The following SLC35F1 variants were observed in gnomAD, a reference collection of about 807,000 sequenced individuals.
The protein encoded by SLC35F1 is solute carrier family 35 member F1, also known as chromosome 6 open reading frame 169.
In SLC35F1, 14 loss-of-function variants were observed where a neutral mutation model predicts 48.7. That is an observed-to-expected ratio of 0.29 (90% confidence interval 0.19 to 0.45). SLC35F1 has a LOEUF of 0.45. SLC35F1 is among the 20% of genes least tolerant of loss of function. The probability of loss-of-function intolerance (pLI) is 1.00; values close to 1 mark genes in which losing one functional copy is unlikely to be tolerated. For synonymous variants in SLC35F1, 190 were observed against 202.2 expected, an observed-to-expected ratio of 0.94 and a Z score of 0.51; for missense variants, 404 against 500.0, an observed-to-expected ratio of 0.81 and a Z score of 1.83.
chr6:118,006,751 A>T (rs368130705), intron 1 of SLC35F1, among the ~76,000 whole-genome samples: 25 of 152,268 alleles, frequency 1.6e-4, no homozygotes, highest in African/African-American at 5.5e-4. Flanking sequence ...CCAAGTATGT[A>T]AAGTACACAC....
Position 118,240,312 on chromosome 6 carries a change from G to A in SLC35F1, c.477+4676G>A, listed in dbSNP as rs980282666. 3.9e-5 allele frequency among the ~76,000 whole-genome samples: 6 copies of A among 152,184 alleles called. No individual in the cohort carries two copies. In the South Asian group the frequency reaches 1.2e-3, roughly 32 times the overall value. On this transcript the variant is annotated intron_variant, in intron 3 of 7. Coordinates refer to ENST00000360388, the MANE Select transcript of SLC35F1 (RefSeq NM_001029858.4). ...AAGTCAAGAAAGTGTCCATTCAGAT[G>A]GGTCTATGAGGTTGGATAAAAAGTG...
intron 7 of SLC35F1, among the ~76,000 whole-genome samples, chr6:118,293,346 G>A (rs1004726072): frequency 6.6e-6 from 1 of 152,084 alleles, no homozygotes; most frequent in African/African-American, 2.4e-5. Context: ...AGCTTCTAGA[G>A]GCCACCTGTA....
At chr6:118,144,311 A>T (rs1773937761) in intron 1 of SLC35F1, among the ~76,000 whole-genome samples, 1 of 152,188 alleles carries the variant, frequency 6.6e-6, no homozygotes, top group Non-Finnish European at 1.5e-5. Flanking sequence ...GCTAGAAGCC[A>T]TTATCCTAAG....
rs913525719 is a variant in SLC35F1 at position 118,138,026 on chromosome 6, G to A, written c.174-16419G>A. Among the ~76,000 whole-genome samples, 116 of 152,066 alleles carry A rather than the reference G, an allele frequency of 7.6e-4. 1 individual carries two copies. Among genetic ancestry groups the A allele is most frequent in the Admixed American group, 6.0e-3 (92 of 15,278 alleles). ...GCCAGGATATTCCAACCTTAGGGGA[G>A]GGTCAGGCTCAGTGGCTCACACGTG... On this transcript the variant is annotated intron_variant, in intron 1 of 7. Transcript: ENST00000360388.
At chr6:118,271,568 C>A (rs959633845) in intron 4 of SLC35F1, among the ~76,000 whole-genome samples, 1 of 152,132 alleles carries the variant, frequency 6.6e-6, no homozygotes, top group African/African-American at 2.4e-5. Flanking sequence ...GATAGTCTTT[C>A]AACACTCTAG....
At chr6:118,188,527 G>A (rs1460732137) in intron 2 of SLC35F1, among the ~76,000 whole-genome samples, 3 of 150,502 alleles carry the variant, frequency 2.0e-5, no homozygotes, top group African/African-American at 7.3e-5. Context: ...TCCAGCCTGG[G>A]CAACAAGAGC....
rs1554216680 is a variant in SLC35F1, at chr6:117,923,651, G to GTATATATACATATGTACATATA, written c.173+15754_173+15755insTATATACATATGTACATATATA. The stretch of plus-strand genomic sequence containing the variant: ...TACATATATGTACATATGTACATAT[G>GTATATATACATATGTACATATA]TACATATGTATATATACATATATGT... On this transcript the variant is annotated intron_variant, in intron 1 of 7. Transcript: ENST00000360388. Among the ~76,000 whole-genome samples the GTATATATACATATGTACATATA allele has an allele frequency of 1.9e-3, 33 of 17,504 alleles. 7 individuals are homozygous for GTATATATACATATGTACATATA. The highest frequency in any genetic ancestry group is 0.01 in the African/African-American group (23 of 2,202). 11.5% of individuals were successfully genotyped at this position (17,504 alleles called of 152,430 possible). A position where few individuals can be genotyped will look rare whatever the true frequency, so the allele number is the denominator to read the frequency against.
At chr6:118,147,723 C>T (rs1773996275) in intron 1 of SLC35F1, among the ~76,000 whole-genome samples, 1 of 152,052 alleles carries the variant, frequency 6.6e-6, no homozygotes, top group African/African-American at 2.4e-5. Flanking sequence ...TGTGACCGCT[C>T]CTCTCACACC....
At chr6:118,076,901 C>T (rs952514024) in intron 1 of SLC35F1, among the ~76,000 whole-genome samples, 2 of 151,928 alleles carry the variant, frequency 1.3e-5, no homozygotes, top group African/African-American at 4.8e-5. Flanking sequence ...TTATATAGGG[C>T]CAGTTTTTTT....
intron 1 of SLC35F1, among the ~76,000 whole-genome samples, chr6:118,102,962 G>T (rs1251971246): frequency 6.6e-6 from 1 of 151,138 alleles, no homozygotes; most frequent in Non-Finnish European, 1.5e-5. Flanking sequence ...TCTGGAGTAA[G>T]TATTGCATAT....
intron 1 of SLC35F1, among the ~76,000 whole-genome samples, chr6:117,978,934 C>T (rs1776739995): frequency 6.6e-6 from 1 of 152,142 alleles, no homozygotes; most frequent in Non-Finnish European, 1.5e-5. Context: ...TTTCATGGCT[C>T]TTGTTACTTT....
At position 117,923,611 on chromosome 6, in the gene SLC35F1, A is replaced by ATATG. The variant is rs1250172345; in HGVS notation, c.173+15714_173+15715insTGTA. Among the ~76,000 whole-genome samples the ATATG allele has an allele frequency of 9.6e-3, 190 of 19,864 alleles. 31 individuals carry two copies. The highest frequency in any genetic ancestry group is 0.023 in the African/African-American group (64 of 2,808). 13.0% of individuals were successfully genotyped at this position (19,864 alleles called of 152,430 possible). A position where few individuals can be genotyped will look rare whatever the true frequency, so the allele number is the denominator to read the frequency against. The stretch of plus-strand genomic sequence containing the variant: ...TATATACATATGTGTATATATACAT[A>ATATG]TACATATGTATATATACATATATGT... On this transcript the variant is annotated intron_variant, in intron 1 of 7. Transcript: ENST00000360388.
intron 1 of SLC35F1, among the ~76,000 whole-genome samples, chr6:118,121,463 G>A (rs964005437): frequency 2.0e-5 from 3 of 152,074 alleles, no homozygotes; most frequent in Non-Finnish European, 4.4e-5. Context: ...TCAGAGTCAC[G>A]CCCCTAGTAA....
intron 1 of SLC35F1, among the ~76,000 whole-genome samples, chr6:118,080,204 T>C (rs1415905213): frequency 6.6e-6 from 1 of 152,208 alleles, no homozygotes; most frequent in African/African-American, 2.4e-5. Context: ...TATATCAAAG[T>C]AATATGTCAA....
In SLC35F1 at chr6:118,066,417, G is replaced by A. The variant is rs1046690944; in HGVS notation, c.174-88028G>A. ...TGCTCCAAGCTATGGTCAGTAAGAA[G>A]CGTCAGTCTTCAGTTGTACACCACA... On this transcript the variant is annotated intron_variant, in intron 1 of 7. Coordinates refer to ENST00000360388, the MANE Select transcript of SLC35F1 (RefSeq NM_001029858.4). 2.6e-5 allele frequency among the ~76,000 whole-genome samples: 4 copies of A among 152,152 alleles called. No individual in the cohort carries two copies. In the East Asian group the frequency reaches 7.7e-4, roughly 29 times the overall value.
chr6:118,293,330 G>A (rs751863544), intron 7 of SLC35F1, among the ~76,000 whole-genome samples: 2 of 152,076 alleles, frequency 1.3e-5, no homozygotes, highest in Non-Finnish European at 2.9e-5. Flanking sequence ...TTTCCTTACC[G>A]TTTCCAGCTT....
At chr6:118,281,728 T>C (rs1275708507) in intron 6 of SLC35F1, among the ~76,000 whole-genome samples, 4 of 152,182 alleles carry the variant, frequency 2.6e-5, no homozygotes, top group Non-Finnish European at 5.9e-5. Flanking sequence ...AATCTTCAGG[T>C]TGTCTCACCA....
chr6:118,217,197 C>T (rs986539387), intron 2 of SLC35F1, among the ~76,000 whole-genome samples: 7 of 152,196 alleles, frequency 4.6e-5, no homozygotes, highest in East Asian at 3.9e-4. Context: ...TTCATAGCAG[C>T]GTTTTATTTG....
At chr6:118,220,026 G>A (rs1775126181) in intron 2 of SLC35F1, among the ~76,000 whole-genome samples, 1 of 152,038 alleles carries the variant, frequency 6.6e-6, no homozygotes, top group Admixed American at 6.6e-5. Context: ...CGTGGGGTTG[G>A]GGGAGTGGGG....
Sources: allele counts gnomAD v4.1 joint callset (sites outside exome capture counted in the v4.1 genomes callset), GRCh38; gene constraint gnomAD v4.1.1; transcripts MANE v1.5; gene names NCBI Gene and HGNC (gene_info 2026-07-23, HGNC 2026-07-21).